Variants in WWC1 observed in about 807,000 individuals in gnomAD.
WWC1 encodes the protein protein KIBRA.
A neutral mutation model predicts 138.4 loss-of-function variants in WWC1; 55 were observed. The observed-to-expected ratio is 0.40, with a 90% CI of 0.32 to 0.50. WWC1 has a LOEUF of 0.50. Ranked by LOEUF, WWC1 falls within the 20% of genes least tolerant of loss-of-function variation. The probability of loss-of-function intolerance (pLI) is 0.72; values close to 1 mark genes in which losing one functional copy is unlikely to be tolerated. For synonymous variants in WWC1, 524 were observed against 564.9 expected (o/e 0.93, Z 1.03); for missense variants, 1,226 against 1,420.4 (o/e 0.86, Z 2.20).
chr5:168,333,064 T>C (rs541748055), intron 1 of WWC1, among the ~76,000 whole-genome samples: 2 of 152,304 alleles, frequency 1.3e-5, no homozygotes, highest in African/African-American at 4.8e-5. Context: ...AAGCCCCACC[T>C]CAGACCTCCT....
chr5:168,357,448 CTGTGTGTGTGTGTGTGTGTGTG>C (rs67198550), intron 1 of WWC1, among the ~76,000 whole-genome samples: 5 of 134,472 alleles, frequency 3.7e-5, no homozygotes, highest in African/African-American at 5.8e-5. Context: ...AACCTGCCTT[CTGTGTGTGTGTGTGTGTGTGTG>C]TGTGTGTGTG....
At chr5:168,314,499 G>A (rs193109690) in intron 1 of WWC1, among the ~76,000 whole-genome samples, 410 of 152,234 alleles carry the variant, frequency 2.7e-3, no homozygotes, top group African/African-American at 9.0e-3. Context: ...CCCAGGAGGC[G>A]GAGGTTGCAG....
chr5:168,462,903 T>A (rs1273285018), intron 20 of WWC1, among the ~76,000 whole-genome samples: 1 of 152,204 alleles, frequency 6.6e-6, no homozygotes, highest in Non-Finnish European at 1.5e-5. Flanking sequence ...GCCACGTAGA[T>A]CACTCAGCTG....
chr5:168,352,730 C>A (rs889757425), intron 1 of WWC1, among the ~76,000 whole-genome samples: 2 of 151,982 alleles, frequency 1.3e-5, no homozygotes, highest in East Asian at 1.9e-4. Flanking sequence ...ATTACAGATG[C>A]CCACGACCTT....
At chr5:168,344,252 C>CT (rs772638970) in intron 1 of WWC1, among the ~76,000 whole-genome samples, 2 of 152,210 alleles carry the variant, frequency 1.3e-5, no homozygotes, top group Non-Finnish European at 2.9e-5. Context: ...AAAGAATTCA[C>CT]TGGCCTGAAA....
At chr5:168,397,332 G>A (rs768061025) in intron 3 of WWC1, among the ~76,000 whole-genome samples, 3 of 151,946 alleles carry the variant, frequency 2.0e-5, no homozygotes, top group Non-Finnish European at 2.9e-5. Flanking sequence ...TAGCAGAGGC[G>A]GGATTTCCCC....
At chr5:168,339,161 TAGGGACTGA>T (rs998639745) in intron 1 of WWC1, among the ~76,000 whole-genome samples, 15 of 152,204 alleles carry the variant, frequency 9.9e-5, no homozygotes, top group Admixed American at 2.6e-4. Flanking sequence ...GGCTATTGTT[TAGGGACTGA>T]AGGCCCCAGG....
chr5:168,365,499 G>T (rs943924619), intron 1 of WWC1, among the ~76,000 whole-genome samples: 4 of 152,174 alleles, frequency 2.6e-5, no homozygotes, highest in Admixed American at 2.0e-4. Context: ...CTTGGCAGAA[G>T]GCTTTCCTCT....
At chr5:168,353,812 G>A (rs929464720) in intron 1 of WWC1, among the ~76,000 whole-genome samples, 3 of 152,178 alleles carry the variant, frequency 2.0e-5, no homozygotes, top group Non-Finnish European at 4.4e-5. Flanking sequence ...GAACCTCCTG[G>A]GAGTAGTCCA....
At position 168,371,421 on chromosome 5, in the gene WWC1, C is replaced by A; in HGVS notation, c.120-3C>A. ...GGAGTCTGTTTCTCCTCTCCCTTGC[C>A]AGGTACACCAAACCGCTCACCTTTG... is the stretch of plus-strand genomic sequence containing the variant. On this transcript the variant is annotated splice_polypyrimidine_tract_variant and splice_region_variant and intron_variant, in intron 1 of 22. Transcript: ENST00000265293. The A allele has an allele frequency of 6.2e-7, 1 of 1,612,886 alleles. No individual in the cohort carries two copies. Among genetic ancestry groups the A allele is most frequent in the Non-Finnish European group, 8.5e-7 (1 of 1,179,022 alleles).
intron 14 of WWC1, among the ~76,000 whole-genome samples, chr5:168,430,863 T>C (rs1027132283): frequency 1.8e-4 from 27 of 152,074 alleles, no homozygotes; most frequent in Non-Finnish European, 1.2e-4. Flanking sequence ...CCTGTGAGGG[T>C]GGCACATGTG....
intron 1 of WWC1, among the ~76,000 whole-genome samples, chr5:168,336,031 ATGT>A (rs1773425053): frequency 6.6e-6 from 1 of 152,154 alleles, no homozygotes; most frequent in Non-Finnish European, 1.5e-5. Flanking sequence ...AGGTTTTCAA[ATGT>A]TGTTTTAGCA....
chr5:168,414,734 G>C, intron 9 of WWC1, 144 bp downstream of exon 9: 1 of 1,218,766 alleles, frequency 8.2e-7, no homozygotes, highest in Admixed American at 3.2e-5. Flanking sequence ...TCAGGTTGCC[G>C]ACATAGGAAA....
chr5:168,409,978 T>C lies in WWC1; in HGVS notation c.924T>C (p.Tyr308=), dbSNP rs1346501065. 2 of 1,613,936 alleles carry C rather than the reference T, an allele frequency of 1.2e-6. No homozygotes were observed. Among genetic ancestry groups the C allele is most frequent in the South Asian group, 1.1e-5 (1 of 91,072 alleles). Reference sequence around the variant, plus strand: ...AGAAGGTCAGATTGCGCCTTCGATATGAAGAGGCTAAGAGAAGGTAATTGG... The same window carrying C: ...AGAAGGTCAGATTGCGCCTTCGATACGAAGAGGCTAAGAGAAGGTAATTGG... The part of the protein sequence containing the change: ...LAEKVRLRLR[Y]EEAKRRIANL... The change falls in exon 8 of 23, where the codon TAT becomes TAC. Residue 308 remains tyrosine, a synonymous_variant. Coordinates refer to ENST00000265293, the MANE Select transcript of WWC1 (RefSeq NM_015238.3).
chr5:168,419,042 C>T (rs1451873450), intron 9 of WWC1, among the ~76,000 whole-genome samples: 1 of 152,166 alleles, frequency 6.6e-6, no homozygotes, highest in Non-Finnish European at 1.5e-5. Flanking sequence ...AGTAACAAGC[C>T]CGACCCACCC....
chr5:168,321,040 A>G (rs1189422864), intron 1 of WWC1, among the ~76,000 whole-genome samples: 1 of 152,194 alleles, frequency 6.6e-6, no homozygotes, highest in African/African-American at 2.4e-5. Flanking sequence ...TTCTGTTGCT[A>G]CATGGGTTAC....
chr5:168,338,568 C>T (rs1039486686), intron 1 of WWC1, among the ~76,000 whole-genome samples: 1 of 151,712 alleles, frequency 6.6e-6, no homozygotes. Flanking sequence ...TGCACCACCA[C>T]GCCCGGCTAA....
chr5:168,467,738 G>T (rs1206758837), intron 21 of WWC1, 102 bp from the exon 22 acceptor site: 2 of 1,523,338 alleles, frequency 1.3e-6, no homozygotes, highest in African/African-American at 2.7e-5. Context: ...AAGAGTGAGG[G>T]TGCCGTCCCT....
intron 16 of WWC1, 49 bp downstream of exon 16, chr5:168,441,883 G>A (rs1373453177): frequency 1.3e-6 from 2 of 1,585,404 alleles, no homozygotes; most frequent in African/African-American, 1.3e-5. Flanking sequence ...GCACCCGGAT[G>A]TTGGAAGGGA....
Sources: allele counts gnomAD v4.1 joint callset (sites outside exome capture counted in the v4.1 genomes callset), GRCh38; gene constraint gnomAD v4.1.1; transcripts MANE v1.5; gene names NCBI Gene and HGNC (gene_info 2026-07-23, HGNC 2026-07-21).